ADARB2: variants seen among roughly 807,000 people sequenced by gnomAD.
ADARB2 encodes inactive double-stranded RNA-specific editase B2.
A neutral mutation model predicts 62.2 loss-of-function variants in ADARB2; 25 were observed. The observed-to-expected ratio is 0.40, with a 90% confidence interval of 0.29 to 0.56. The LOEUF (loss-of-function observed/expected upper bound fraction) is 0.56. ADARB2 is among the 20% of genes least tolerant of loss of function. The pLI is 0.43. For missense variants in ADARB2, 1,071 were observed against 1,077.4 expected, an observed-to-expected ratio of 0.99 and a Z score of 0.08; for synonymous variants, 572 against 500.8, an observed-to-expected ratio of 1.14 and a Z score of -1.90.
chr10:1,430,290 T>C (rs1472048071), intron 1 of ADARB2, among the ~76,000 whole-genome samples: 1 of 152,140 alleles, frequency 6.6e-6, no homozygotes, highest in East Asian at 1.9e-4. Context: ...CTTAAGAATA[T>C]TCAAGTAAGC....
intron 1 of ADARB2, among the ~76,000 whole-genome samples, chr10:1,480,510 A>G (rs1227103668): frequency 4.6e-5 from 7 of 152,186 alleles, no homozygotes; most frequent in Admixed American, 3.9e-4. Flanking sequence ...CATCCTGGCT[A>G]ACATGGTGAA....
intron 1 of ADARB2, among the ~76,000 whole-genome samples, chr10:1,638,555 T>C (rs1833941579): frequency 6.6e-6 from 1 of 152,004 alleles, no homozygotes; most frequent in African/African-American, 2.4e-5. Flanking sequence ...ATATTTCAGG[T>C]GAACCTTTAT....
At chr10:1,298,235 A>G (rs1239516543) in intron 3 of ADARB2, among the ~76,000 whole-genome samples, 1 of 152,230 alleles carries the variant, frequency 6.6e-6, no homozygotes, top group Non-Finnish European at 1.5e-5. Context: ...AAAAAATAAC[A>G]CAAGTTTATA....
At chr10:1,559,325 C>T (rs1000035520) in intron 1 of ADARB2, among the ~76,000 whole-genome samples, 6 of 152,198 alleles carry the variant, frequency 3.9e-5, no homozygotes, top group African/African-American at 1.4e-4. Context: ...GAGCTGTCCC[C>T]GACAAGGTGT....
At chr10:1,732,498 A>C (rs1835247081) in intron 1 of ADARB2, among the ~76,000 whole-genome samples, 1 of 152,216 alleles carries the variant, frequency 6.6e-6, no homozygotes, top group Non-Finnish European at 1.5e-5. Context: ...TACTGTTATT[A>C]CATGGGTCAC....
At chr10:1,601,954 C>T (rs910941695) in intron 1 of ADARB2, among the ~76,000 whole-genome samples, 1 of 152,170 alleles carries the variant, frequency 6.6e-6, no homozygotes, top group African/African-American at 2.4e-5. Flanking sequence ...CATGGACGTT[C>T]TTAGTAGAGT....
intron 1 of ADARB2, among the ~76,000 whole-genome samples, chr10:1,651,777 T>G (rs950982235): frequency 6.6e-6 from 1 of 151,784 alleles, no homozygotes; most frequent in Non-Finnish European, 1.5e-5. Context: ...TGCTTATGGG[T>G]GCTGCTTTCT....
At chr10:1,510,095 CT>C (rs762645098) in intron 1 of ADARB2, among the ~76,000 whole-genome samples, 3 of 117,988 alleles carry the variant, frequency 2.5e-5, no homozygotes, top group Admixed American at 1.1e-4. Context: ...CTCTCTCTCT[CT>C]TTTCTTTCTT....
chr10:1,734,541 A>C (rs1835276156), intron 1 of ADARB2, among the ~76,000 whole-genome samples: 1 of 152,216 alleles, frequency 6.6e-6, no homozygotes. Flanking sequence ...AAGGAGCCAG[A>C]TGTCACCACA....
At chr10:1,585,174 T>C (rs1833157434) in intron 1 of ADARB2, among the ~76,000 whole-genome samples, 1 of 152,000 alleles carries the variant, frequency 6.6e-6, no homozygotes, top group South Asian at 2.1e-4. Flanking sequence ...CCCCCTTTGA[T>C]GGGCAGTGCG....
chr10:1,443,927 T>C (rs562926056), intron 1 of ADARB2, among the ~76,000 whole-genome samples: 2 of 152,122 alleles, frequency 1.3e-5, no homozygotes, highest in South Asian at 4.2e-4. Context: ...TTAACACAAA[T>C]GCTATTCACC....
chr10:1,244,321 T>A (rs558002386), intron 4 of ADARB2, among the ~76,000 whole-genome samples: 1 of 152,316 alleles, frequency 6.6e-6, no homozygotes, highest in South Asian at 2.1e-4. Flanking sequence ...GGGAAACACA[T>A]TGATAACGAT....
At chr10:1,262,805 C>T (rs534882855) in intron 4 of ADARB2, among the ~76,000 whole-genome samples, 8 of 152,282 alleles carry the variant, frequency 5.3e-5, no homozygotes, top group Admixed American at 2.0e-4. Context: ...GATTATAAAT[C>T]ATGCTGCTGT....
At position 1,398,591 on chromosome 10, in the gene ADARB2, A is replaced by G. The variant is rs1195509835; in HGVS notation, c.101-19431T>C. On this transcript the variant is annotated intron_variant, in intron 1 of 9. Transcript: ENST00000381312. The surrounding 1 kb of genome is among the most constrained non-coding windows in gnomAD (Gnocchi z 4.1). ...AACCCAGTTCTGGTGCGGAGGTAAGACAACTCAAAAACGTGTATTTGCCGT... is the reference window on the plus strand; with the variant it reads ...AACCCAGTTCTGGTGCGGAGGTAAGGCAACTCAAAAACGTGTATTTGCCGT... 6.6e-6 allele frequency among the ~76,000 whole-genome samples: 1 copy of G among 152,214 alleles called. No homozygotes were observed. The highest frequency in any genetic ancestry group is 2.4e-5 in the African/African-American group (1 of 41,454).
chr10:1,260,910 A>C (rs1831129969), intron 4 of ADARB2, among the ~76,000 whole-genome samples: 1 of 146,276 alleles, frequency 6.8e-6, no homozygotes, highest in Admixed American at 7.0e-5. Flanking sequence ...CTATATTACA[A>C]GGCTACAGTA....
chr10:1,635,405 T>G (rs1379949903), intron 1 of ADARB2, among the ~76,000 whole-genome samples: 1 of 152,208 alleles, frequency 6.6e-6, no homozygotes, highest in Non-Finnish European at 1.5e-5. Flanking sequence ...GATCTTCATC[T>G]AAGACGGTAT....
intron 3 of ADARB2, among the ~76,000 whole-genome samples, chr10:1,326,775 CCCCTCCTCACTGCCCA>C (rs1831852284): frequency 9.0e-6 from 1 of 111,356 alleles, no homozygotes; most frequent in Non-Finnish European, 2.0e-5. Flanking sequence ...GGTAGCACAG[CCCCTCCTCACTGCCCA>C]GCGCCTCCCC....
intron 4 of ADARB2, among the ~76,000 whole-genome samples, chr10:1,245,276 C>T (rs2131779268): frequency 6.6e-6 from 1 of 152,268 alleles, no homozygotes; most frequent in African/African-American, 2.4e-5. Flanking sequence ...GCTTGAGTAC[C>T]ACACATTACA....
chr10:1,295,505 A>G (rs1295224594), intron 3 of ADARB2, among the ~76,000 whole-genome samples: 1 of 152,168 alleles, frequency 6.6e-6, no homozygotes, highest in Non-Finnish European at 1.5e-5. Context: ...TTTAGGAGAA[A>G]GAGTACAACG....
Sources: gnomAD v4.1 joint callset for allele counts (sites outside exome capture counted in the v4.1 genomes callset) on GRCh38, gnomAD v4.1.1 for gene constraint, Gnocchi (gnomAD v3.1) non-coding constraint, MANE v1.5 for transcripts, NCBI Gene and HGNC (gene_info 2026-07-23, HGNC 2026-07-21) for gene names.